The following SCN9A variants were observed in gnomAD, a reference collection of about 807,000 sequenced individuals.
SCN9A encodes the protein sodium voltage-gated channel alpha subunit 9.
Under a neutral mutation model 187.0 loss-of-function variants are expected in SCN9A, and 131 were observed. The ratio of observed to expected loss-of-function variants is 0.70; its 90% CI spans 0.61 to 0.81. The LOEUF (loss-of-function observed/expected upper bound fraction) is 0.81. Among genes scored for constraint, SCN9A ranks in the 30% least tolerant of loss-of-function variants. The pLI, the probability that SCN9A is intolerant of heterozygous loss-of-function variation, is 0.00. For synonymous variants in SCN9A, 809 were observed against 808.6 expected, an observed-to-expected ratio of 1.00 and a Z score of -0.01; for missense variants, 2,252 against 2,396.6, an observed-to-expected ratio of 0.94 and a Z score of 1.26.
At chr2:166,230,372 G>C (rs1214685918) in intron 21 of SCN9A, among the ~76,000 whole-genome samples, 2 of 152,152 alleles carry the variant, frequency 1.3e-5, no homozygotes, top group Admixed American at 6.5e-5. Flanking sequence ...CCTCAAAAAA[G>C]ATTAGGAGGA....
Position 166,196,472 on chromosome 2 carries a change from A to C in SCN9A, c.*2200T>G, listed in dbSNP as rs1693250490. The C allele has an allele frequency of 6.6e-6, 1 of 152,146 alleles. No homozygotes were observed. The highest frequency in any genetic ancestry group is 2.4e-5 in the African/African-American group (1 of 41,450). 9.4% of individuals were successfully genotyped at this position (152,146 alleles called of 1,614,324 possible). A position where few individuals can be genotyped will look rare whatever the true frequency, so the allele number is the denominator to read the frequency against. On this transcript the variant is annotated 3_prime_UTR_variant, in exon 27 of 27. Transcript: ENST00000642356. The stretch of plus-strand genomic sequence containing the variant: ...ACCAGTTGCCCATATTTTTTATTTT[A>C]CATAAAAACAAGGCAATGTAAAAAC...
At chr2:166,207,321 T>A (rs1445143331) in intron 24 of SCN9A, among the ~76,000 whole-genome samples, 1 of 151,656 alleles carries the variant, frequency 6.6e-6, no homozygotes, top group Admixed American at 6.6e-5. Flanking sequence ...TATTTACTTA[T>A]TTTTTTAATT....
At chr2:166,206,665 TA>T (rs1277742049) in intron 24 of SCN9A, among the ~76,000 whole-genome samples, 1 of 151,908 alleles carries the variant, frequency 6.6e-6, no homozygotes, top group African/African-American at 2.4e-5. Flanking sequence ...AGTATAATAA[TA>T]AAAAAAGAAT....
At chr2:166,343,798 A>AAAAAG (rs149739106) in intron 1 of SCN9A, among the ~76,000 whole-genome samples, 62 of 151,566 alleles carry the variant, frequency 4.1e-4, no homozygotes, top group South Asian at 1.2e-3. Flanking sequence ...TGTGTTTCAA[A>AAAAAG]AAAAGAAAAG....
At chr2:166,314,556 C>T (rs931634085) in intron 1 of SCN9A, among the ~76,000 whole-genome samples, 1 of 152,142 alleles carries the variant, frequency 6.6e-6, no homozygotes, top group Non-Finnish European at 1.5e-5. Context: ...TAAACACAAC[C>T]TCATTACTCA....
chr2:166,207,499 G>A (rs1693868645), intron 24 of SCN9A, among the ~76,000 whole-genome samples: 1 of 152,016 alleles, frequency 6.6e-6, no homozygotes, highest in South Asian at 2.1e-4. Context: ...GGAGTGCAGT[G>A]CCACCATCTT....
intron 2 of SCN9A, among the ~76,000 whole-genome samples, chr2:166,308,837 A>G (rs201544671): frequency 6.7e-6 from 1 of 149,348 alleles, no homozygotes; most frequent in South Asian, 2.2e-4. Flanking sequence ...GAGGTGGGAG[A>G]ATGGCGTGAA....
At chr2:166,289,352 C>G (rs1476241571) in intron 9 of SCN9A, among the ~76,000 whole-genome samples, 1 of 151,972 alleles carries the variant, frequency 6.6e-6, no homozygotes, top group Non-Finnish European at 1.5e-5. Flanking sequence ...CCACCACCGA[C>G]AGGCCCCAGT....
At chr2:166,362,480 A>G (rs1700308163) in intron 1 of SCN9A, among the ~76,000 whole-genome samples, 1 of 152,010 alleles carries the variant, frequency 6.6e-6, no homozygotes, top group Admixed American at 6.6e-5. Flanking sequence ...GTGTGATAGT[A>G]TTTCTTACTT....
chr2:166,308,874 C>T (rs541358959), intron 2 of SCN9A, among the ~76,000 whole-genome samples: 6 of 122,940 alleles, frequency 4.9e-5, no homozygotes, highest in Non-Finnish European at 9.5e-5. Flanking sequence ...TGCAGTGAGC[C>T]AAAATCGCGC....
intron 18 of SCN9A, among the ~76,000 whole-genome samples, chr2:166,248,754 C>T (rs1453809035): frequency 2.0e-5 from 3 of 152,120 alleles, no homozygotes; most frequent in East Asian, 1.9e-4. Flanking sequence ...GCAACCTCTG[C>T]CTCCTGGATT....
At chr2:166,230,149 T>C (rs1444503052) in intron 21 of SCN9A, among the ~76,000 whole-genome samples, 1 of 152,186 alleles carries the variant, frequency 6.6e-6, no homozygotes, top group African/African-American at 2.4e-5. Context: ...TCATGGGTCA[T>C]ACATAAACAA....
intron 1 of SCN9A, among the ~76,000 whole-genome samples, chr2:166,316,097 G>T (rs1574918472): frequency 6.6e-6 from 1 of 151,938 alleles, no homozygotes; most frequent in Non-Finnish European, 1.5e-5. Flanking sequence ...AAAGTGGAAG[G>T]CATCCACAAA....
At chr2:166,274,157 A>C (rs7582029) in intron 16 of SCN9A, among the ~76,000 whole-genome samples, 23,868 of 152,108 alleles carry the variant, frequency 0.16, 2,674 homozygotes, top group African/African-American at 0.31. Flanking sequence ...AAACCATTTT[A>C]ACAGGGTGCA....
In SCN9A at chr2:166,304,704, A is replaced by T. The variant is rs181572301; in HGVS notation, c.597-375T>A. Among the ~76,000 whole-genome samples, 47 of 152,250 alleles carry T rather than the reference A, an allele frequency of 3.1e-4. 1 individual carries two copies. The highest frequency in any genetic ancestry group is 6.8e-3 in the Middle Eastern group (2 of 294). ...GTTTGATATTTCCATTCATAAAAAA[A>T]TCCAAATAGACAAATCCATAGAGAT... On this transcript the variant is annotated intron_variant, in intron 5 of 26. Coordinates refer to ENST00000642356, the MANE Select transcript of SCN9A (RefSeq NM_001365536.1).
intron 24 of SCN9A, among the ~76,000 whole-genome samples, chr2:166,214,761 G>A (rs1191198942): frequency 1.3e-5 from 2 of 151,102 alleles, no homozygotes; most frequent in African/African-American, 4.9e-5. Flanking sequence ...TGATCCGCCC[G>A]CCTCGGCCTC....
At chr2:166,227,274 G>A (rs570234781) in intron 23 of SCN9A, among the ~76,000 whole-genome samples, 82 of 152,238 alleles carry the variant, frequency 5.4e-4, no homozygotes, top group African/African-American at 1.9e-3. Context: ...TATTTACTGA[G>A]CATTTAGTAA....
intron 1 of SCN9A, among the ~76,000 whole-genome samples, chr2:166,350,759 GCAAAAGGTTATT>G (rs960103565): frequency 4.6e-5 from 7 of 152,100 alleles, no homozygotes. Context: ...CAGGGAAAAG[GCAAAAGGTTATT>G]CAAAGCTCAA....
intron 24 of SCN9A, among the ~76,000 whole-genome samples, chr2:166,217,203 T>A (rs1455083325): frequency 6.6e-6 from 1 of 151,900 alleles, no homozygotes; most frequent in Non-Finnish European, 1.5e-5. Flanking sequence ...CATATGTTTA[T>A]AAAACCAAAC....
Sources: gnomAD v4.1 joint callset for allele counts (sites outside exome capture counted in the v4.1 genomes callset) on GRCh38, gnomAD v4.1.1 for gene constraint, MANE v1.5 for transcripts, NCBI Gene and HGNC (gene_info 2026-07-23, HGNC 2026-07-21) for gene names.